LRRC7: variants seen among roughly 807,000 people sequenced by gnomAD.
LRRC7 encodes the protein leucine-rich repeat-containing protein 7.
A neutral mutation model predicts 175.7 loss-of-function variants in LRRC7; 23 were observed. That is an observed-to-expected ratio of 0.13 (90% CI 0.09 to 0.19). The LOEUF (loss-of-function observed/expected upper bound fraction) is 0.19. Ranked by LOEUF, LRRC7 falls within the 10% of genes least tolerant of loss-of-function variation. The pLI is 1.00. For synonymous variants in LRRC7, 685 were observed against 680.9 expected (o/e 1.01, Z -0.09); for missense variants, 1,354 against 1,904.7 (o/e 0.71, Z 5.38).
chr1:69,979,807 A>G (rs1389444263), intron 8 of LRRC7, among the ~76,000 whole-genome samples: 1 of 152,006 alleles, frequency 6.6e-6, no homozygotes, highest in Non-Finnish European at 1.5e-5. Context: ...TATGCATAGT[A>G]TTAGGTTGGT....
chr1:70,020,682 G>T, intron 15 of LRRC7: 1 of 162,216 alleles, frequency 6.2e-6, no homozygotes, highest in African/African-American at 2.4e-5. Flanking sequence ...GATTGAAAAA[G>T]ATAACGCTTT....
At chr1:69,569,160 GA>G (rs1316492471) in intron 1 of LRRC7, among the ~76,000 whole-genome samples, 3 of 151,536 alleles carry the variant, frequency 2.0e-5, no homozygotes, top group African/African-American at 7.3e-5. Flanking sequence ...ATGTCTGTTT[GA>G]AAAAATACAA....
At chr1:69,572,067 G>T (rs994307952) in intron 1 of LRRC7, among the ~76,000 whole-genome samples, 3 of 151,986 alleles carry the variant, frequency 2.0e-5, no homozygotes, top group African/African-American at 7.2e-5. Context: ...TGACTTTAGG[G>T]GAATGTTAAT....
intron 1 of LRRC7, among the ~76,000 whole-genome samples, chr1:69,593,371 T>A (rs1418012): frequency 0.15 from 22,988 of 152,098 alleles, 1,918 homozygotes; most frequent in Admixed American, 0.19. Context: ...GTATTTTTTT[T>A]ATTGTTTTTA....
At position 69,829,957 on chromosome 1, in the gene LRRC7, T is replaced by G. The variant is rs372866115; in HGVS notation, c.500+4131T>G. ...ACTACAAAATGTACCATAAAATTAA[T>G]GATAAATAACTCCTCAATGGGAAAA... On this transcript the variant is annotated intron_variant, in intron 5 of 26. Coordinates refer to ENST00000651989, the MANE Select transcript of LRRC7 (RefSeq NM_001370785.2). Among the ~76,000 whole-genome samples the G allele has an allele frequency of 7.2e-5, 11 of 151,898 alleles. No individual in the cohort carries two copies. The East Asian group carries it at 1.5e-3, about 21-fold the overall frequency.
intron 25 of LRRC7, among the ~76,000 whole-genome samples, chr1:70,092,666 C>T (rs375150151): frequency 1.3e-4 from 20 of 152,188 alleles, no homozygotes; most frequent in African/African-American, 4.6e-4. Context: ...AAACAGTCAT[C>T]TCAAAAAGCT....
intron 2 of LRRC7, among the ~76,000 whole-genome samples, chr1:69,680,621 C>A (rs547331827): frequency 1.3e-5 from 2 of 150,010 alleles, no homozygotes; most frequent in Non-Finnish European, 3.0e-5. Context: ...GTACAATGAG[C>A]AATTCTACTT....
At chr1:69,616,327 G>T (rs1333410912) in intron 1 of LRRC7, among the ~76,000 whole-genome samples, 1 of 151,850 alleles carries the variant, frequency 6.6e-6, no homozygotes, top group Non-Finnish European at 1.5e-5. Context: ...ATGATTAATG[G>T]ATCAATTATT....
intron 4 of LRRC7, among the ~76,000 whole-genome samples, chr1:69,807,280 A>G (rs1198230957): frequency 6.6e-6 from 1 of 152,056 alleles, no homozygotes. Context: ...TAATTGGAGC[A>G]TTTAGCCCAT....
At chr1:69,952,457 C>A (rs146125660) in intron 8 of LRRC7, among the ~76,000 whole-genome samples, 1 of 151,868 alleles carries the variant, frequency 6.6e-6, no homozygotes, top group East Asian at 1.9e-4. Flanking sequence ...AAAGCCAGAT[C>A]GTTAACTCTG....
intron 7 of LRRC7, among the ~76,000 whole-genome samples, chr1:69,860,419 T>A (rs1449462285): frequency 6.6e-6 from 1 of 151,986 alleles, no homozygotes; most frequent in Non-Finnish European, 1.5e-5. Flanking sequence ...TGACCAATAT[T>A]GCACAACCCT....
At position 69,792,086 on chromosome 1, in the gene LRRC7, A is replaced by T; in HGVS notation, c.347A>T (p.Asp116Val). ...GCTCTACGAAAACTAAGTATTCCTG[A>T]TAACGACCTTTCAAATCTGCCAACC... Reference protein sequence around the residue: ...CQALRKLSIPDNDLSNLPTTI... With the variant: ...CQALRKLSIPVNDLSNLPTTI... The change falls in exon 4 of 27, where the codon GAT (aspartate) becomes GTT (valine). Residue 116 changes from aspartate (D) to valine (V), a missense_variant. By Grantham distance (152) the Asp-to-Val change is radical. This residue lies in a region of LRRC7 where 201 missense variants were observed against 481.4 expected (regional missense o/e 0.42). Coordinates refer to ENST00000651989, the MANE Select transcript of LRRC7 (RefSeq NM_001370785.2). 1 of 1,611,358 alleles carries T rather than the reference A, an allele frequency of 6.2e-7. No homozygotes were observed. The highest frequency in any genetic ancestry group is 8.5e-7 in the Non-Finnish European group (1 of 1,177,964).
intron 11 of LRRC7, among the ~76,000 whole-genome samples, chr1:70,008,065 C>T (rs1399406244): frequency 1.3e-5 from 2 of 152,096 alleles, no homozygotes; most frequent in Non-Finnish European, 2.9e-5. Context: ...TACACGATGA[C>T]AAGGTCCCAC....
chr1:69,965,638 G>A (rs1015032246), intron 8 of LRRC7, among the ~76,000 whole-genome samples: 1 of 151,854 alleles, frequency 6.6e-6, no homozygotes, highest in African/African-American at 2.4e-5. Context: ...AAAAATTTAT[G>A]AACATTTTAA....
intron 1 of LRRC7, among the ~76,000 whole-genome samples, chr1:69,590,830 G>C (rs1446791189): frequency 7.9e-5 from 12 of 152,000 alleles, no homozygotes; most frequent in Admixed American, 7.9e-4. Flanking sequence ...AATTCATACA[G>C]GAAGTAATCT....
intron 2 of LRRC7, chr1:69,716,325 TAGC>T (rs1665342839): frequency 2.5e-6 from 1 of 406,438 alleles, no homozygotes; most frequent in Non-Finnish European, 4.5e-6. Context: ...AATTTATACT[TAGC>T]AGTTTTCATG....
chr1:70,079,340 A>G (rs567964831), intron 24 of LRRC7, among the ~76,000 whole-genome samples: 1 of 152,376 alleles, frequency 6.6e-6, no homozygotes, highest in East Asian at 1.9e-4. Context: ...TAAAAGAGCC[A>G]TAAAGAGAAA....
At chr1:70,031,155 G>A (rs901312663) in intron 18 of LRRC7, 1 of 152,192 alleles carries the variant, frequency 6.6e-6, no homozygotes, top group Admixed American at 6.5e-5. Flanking sequence ...TTCAGACTGT[G>A]AGTTTCATGA....
At chr1:69,697,195 T>C (rs1662719369) in intron 2 of LRRC7, among the ~76,000 whole-genome samples, 1 of 152,210 alleles carries the variant, frequency 6.6e-6, no homozygotes, top group Admixed American at 6.5e-5. Context: ...TTTATTTTTT[T>C]CCCACTTCTT....
Sources: gnomAD v4.1 joint callset for allele counts (sites outside exome capture counted in the v4.1 genomes callset) on GRCh38, gnomAD v4.1.1 for gene constraint, gnomAD v4.1.1 regional missense constraint, MANE v1.5 for transcripts, NCBI Gene and HGNC (gene_info 2026-07-23, HGNC 2026-07-21) for gene names.